ZCCHC7: variants seen among roughly 807,000 people sequenced by gnomAD.
ZCCHC7 encodes the protein zinc finger CCHC domain-containing protein 7.
A neutral mutation model predicts 52.0 loss-of-function variants in ZCCHC7; 35 were observed. The ratio of observed to expected loss-of-function variants is 0.67; its 90% CI spans 0.51 to 0.89. The LOEUF is 0.89. Ranked by LOEUF, ZCCHC7 falls within the 40% of genes least tolerant of loss-of-function variation. The pLI is 0.00. For missense variants in ZCCHC7, 574 were observed against 649.1 expected (o/e 0.88, Z 1.26); for synonymous variants, 217 against 221.5 (o/e 0.98, Z 0.18).
chr9:37,250,246 T>G (rs1282078711), intron 2 of ZCCHC7, among the ~76,000 whole-genome samples: 1 of 152,086 alleles, frequency 6.6e-6, no homozygotes, highest in East Asian at 1.9e-4. Context: ...GTTTCCCTAG[T>G]TTTATCACAG....
At chr9:37,201,922 G>T (rs997421127) in intron 2 of ZCCHC7, among the ~76,000 whole-genome samples, 1 of 152,094 alleles carries the variant, frequency 6.6e-6, no homozygotes, top group East Asian at 1.9e-4. Context: ...CTCAACTTAC[G>T]CATCCTAAAT....
rs1490403977 is a variant in ZCCHC7, at chr9:37,354,091, C to T, written c.1084-619C>T. ...AGAGTAGGGATTTCAACTTGGGTGG[C>T]GGAAGCAAGAAGAGAAACTTCTTTT... On this transcript the variant is annotated intron_variant, in intron 7 of 8. Coordinates refer to ENST00000336755, the MANE Select transcript of ZCCHC7 (RefSeq NM_032226.3). The surrounding 1 kb of genome is among the most constrained non-coding windows in gnomAD (Gnocchi z 4.0). Among the ~76,000 whole-genome samples the T allele has an allele frequency of 1.3e-5, 2 of 152,008 alleles. No individual in the cohort carries two copies. The highest frequency in any genetic ancestry group is 2.4e-5 in the African/African-American group (1 of 41,372).
chr9:37,290,845 C>G (rs1003092565), intron 2 of ZCCHC7, among the ~76,000 whole-genome samples: 1 of 152,140 alleles, frequency 6.6e-6, no homozygotes, highest in African/African-American at 2.4e-5. Flanking sequence ...AAAAACTATA[C>G]TGTTTCATCA....
chr9:37,294,162 G>A (rs1828670221), intron 2 of ZCCHC7, among the ~76,000 whole-genome samples: 2 of 152,206 alleles, frequency 1.3e-5, no homozygotes, highest in Admixed American at 6.5e-5. Flanking sequence ...AAAGGGAGCA[G>A]TTTCAGAAGA....
At chr9:37,177,406 AG>A (rs1822099840) in intron 2 of ZCCHC7, among the ~76,000 whole-genome samples, 1 of 152,214 alleles carries the variant, frequency 6.6e-6, no homozygotes, top group South Asian at 2.1e-4. Context: ...ACAGACTGAG[AG>A]TAATCACTGT....
At chr9:37,234,704 T>C (rs558861730) in intron 2 of ZCCHC7, among the ~76,000 whole-genome samples, 1 of 152,376 alleles carries the variant, frequency 6.6e-6, no homozygotes, top group African/African-American at 2.4e-5. Flanking sequence ...GAATCCTATG[T>C]ACATTGTACA....
rs539928685 is a variant in ZCCHC7 at position 37,207,872 on chromosome 9, T to C, written c.610+80930T>C. Among the ~76,000 whole-genome samples the C allele has an allele frequency of 2.9e-4, 44 of 152,366 alleles. 1 individual carries two copies. In the South Asian group the frequency reaches 8.1e-3, roughly 28 times the overall value. On this transcript the variant is annotated intron_variant, in intron 2 of 8. Transcript: ENST00000336755. ...ATCTGTTTAATCATTGCCAGCATTT[T>C]TTTTCAAATTAATAAGTTTTATTTT...
intron 2 of ZCCHC7, among the ~76,000 whole-genome samples, chr9:37,151,504 T>G (rs1820523862): frequency 6.6e-6 from 1 of 152,118 alleles, no homozygotes; most frequent in Non-Finnish European, 1.5e-5. Context: ...ATGTTAAATC[T>G]GTAACAAATT....
chr9:37,178,590 AT>A (rs2133035128), intron 2 of ZCCHC7, among the ~76,000 whole-genome samples: 1 of 152,342 alleles, frequency 6.6e-6, no homozygotes, highest in South Asian at 2.1e-4. Context: ...TCTTATAGTT[AT>A]GATATAAAAG....
At chr9:37,286,728 T>C (rs1194846319) in intron 2 of ZCCHC7, among the ~76,000 whole-genome samples, 1 of 152,036 alleles carries the variant, frequency 6.6e-6, no homozygotes, top group Non-Finnish European at 1.5e-5. Context: ...GCTCTTTATA[T>C]GTATTAGCTG....
intron 2 of ZCCHC7, among the ~76,000 whole-genome samples, chr9:37,174,573 T>G (rs1821915505): frequency 6.6e-6 from 1 of 152,106 alleles, no homozygotes; most frequent in Admixed American, 6.5e-5. Context: ...AAAATAGAAG[T>G]TGTTCATAAT....
chr9:37,281,161 G>A (rs1199505030), intron 2 of ZCCHC7, among the ~76,000 whole-genome samples: 2 of 152,096 alleles, frequency 1.3e-5, no homozygotes, highest in Non-Finnish European at 2.9e-5. Flanking sequence ...GACCACAGGC[G>A]TACATCACTA....
At chr9:37,279,640 T>G (rs923477476) in intron 2 of ZCCHC7, among the ~76,000 whole-genome samples, 7 of 150,632 alleles carry the variant, frequency 4.6e-5, no homozygotes, top group African/African-American at 1.7e-4. Flanking sequence ...AGGAGGATCC[T>G]TTAAGCCCAA....
chr9:37,351,937 C>T (rs1029962191), intron 7 of ZCCHC7, among the ~76,000 whole-genome samples: 8 of 152,078 alleles, frequency 5.3e-5, no homozygotes, highest in African/African-American at 1.4e-4. Context: ...TTTTAATTTA[C>T]AATAAAGCAA....
chr9:37,351,346 A>G (rs1230474445), intron 7 of ZCCHC7, among the ~76,000 whole-genome samples: 1 of 152,078 alleles, frequency 6.6e-6, no homozygotes, highest in South Asian at 2.1e-4. Flanking sequence ...TTTTTGAGAC[A>G]CGGTACAGAG....
chr9:37,356,919 G>A lies in ZCCHC7; in HGVS notation c.1283G>A (p.Arg428Lys). The A allele has an allele frequency of 6.2e-7, 1 of 1,613,788 alleles. No homozygotes were observed. Among genetic ancestry groups the A allele is most frequent in the Non-Finnish European group, 8.5e-7 (1 of 1,179,924 alleles). Residue 428 changes from arginine to lysine, a missense_variant, in exon 9 of 9, where the codon AGG becomes AAG. Around this residue, in one of 3 missense-constraint regions of ZCCHC7, gnomAD observed 168 missense variants for 171.6 expected, o/e 0.98. Transcript: ENST00000336755. ...AATGAGAACCCCCACCATGATATAA[G>A]GAAGGGCCGTGCCTCATGGAAAAGC... ...AANENPHHDI[R>K]KGRASWKSNR...
rs201395017 is a variant in ZCCHC7, at chr9:37,357,672, CTTTT to C, written c.*420_*423del. ...AGAAAAAGTCATCAATATTTTTCAA[CTTTT>C]TTTTTTTTTTTTTTTACTTTGGAAA... is the stretch of plus-strand genomic sequence containing the variant. On this transcript the variant is annotated 3_prime_UTR_variant, in exon 9 of 9. Transcript: ENST00000336755. 8.1e-5 allele frequency: 11 copies of C among 136,502 alleles called. No individual in the cohort carries two copies. The highest frequency in any genetic ancestry group is 1.3e-4 in the African/African-American group (5 of 38,128). The allele number at this position is 136,502 out of a possible 1,614,324, so 8.5% of individuals were successfully genotyped here.
intron 2 of ZCCHC7, among the ~76,000 whole-genome samples, chr9:37,300,119 A>C (rs1342963882): frequency 6.6e-6 from 1 of 152,212 alleles, no homozygotes; most frequent in East Asian, 1.9e-4. Context: ...TGAATCCCAC[A>C]GGATTGTTAA....
At chr9:37,306,204 GC>G (rs1829296405) in intron 5 of ZCCHC7, among the ~76,000 whole-genome samples, 1 of 147,776 alleles carries the variant, frequency 6.8e-6, no homozygotes, top group Admixed American at 6.7e-5. Flanking sequence ...AGTAGCTGGG[GC>G]TACAGGAGCA....
Sources: gnomAD v4.1 joint callset for allele counts (sites outside exome capture counted in the v4.1 genomes callset) on GRCh38, gnomAD v4.1.1 for gene constraint, gnomAD v4.1.1 regional missense constraint, Gnocchi (gnomAD v3.1) non-coding constraint, MANE v1.5 for transcripts, NCBI Gene and HGNC (gene_info 2026-07-23, HGNC 2026-07-21) for gene names.